Variants in CSNK1G1 observed in about 807,000 individuals in gnomAD.
CSNK1G1 encodes casein kinase 1 gamma 1, also known as casein kinase I isoform gamma-1.
In CSNK1G1, 22 loss-of-function variants were observed where a neutral mutation model predicts 59.6. That is an observed-to-expected ratio of 0.37 (90% confidence interval 0.26 to 0.53). The LOEUF is 0.53. CSNK1G1 is among the 20% of genes least tolerant of loss of function. The pLI, the probability that CSNK1G1 is intolerant of heterozygous loss-of-function variation, is 0.89. For missense variants in CSNK1G1, 384 were observed against 519.5 expected, an observed-to-expected ratio of 0.74 and a Z score of 2.54; for synonymous variants, 179 against 177.1, an observed-to-expected ratio of 1.01 and a Z score of -0.08.
Position 64,167,300 on chromosome 15 carries a change from C to G in CSNK1G1, c.*4631G>C, listed in dbSNP as rs758150021. 1 of 152,124 alleles carries G rather than the reference C, an allele frequency of 6.6e-6. No individual in the cohort carries two copies. Among genetic ancestry groups the G allele is most frequent in the Admixed American group, 6.5e-5 (1 of 15,272 alleles). The allele number at this position is 152,124 out of a possible 1,614,324, so 9.4% of individuals were successfully genotyped here. A position where few individuals can be genotyped will look rare whatever the true frequency, so the allele number is the denominator to read the frequency against. ...TCTTTTTCTTATTCAGAAACAAAAT[C>G]ACCCCCCATACACCAAAAAACAAAC... On this transcript the variant is annotated 3_prime_UTR_variant, in exon 12 of 12. Coordinates refer to ENST00000303052, the MANE Select transcript of CSNK1G1 (RefSeq NM_022048.5).
intron 4 of CSNK1G1, among the ~76,000 whole-genome samples, chr15:64,244,366 TAA>T (rs142844348): frequency 7.2e-4 from 80 of 110,918 alleles, no homozygotes; most frequent in Middle Eastern, 4.7e-3. Context: ...ACTGAAAAAT[TAA>T]AAAAAAAAAA....
intron 1 of CSNK1G1, among the ~76,000 whole-genome samples, chr15:64,323,931 G>A (rs1896701616): frequency 6.6e-6 from 1 of 152,008 alleles, no homozygotes; most frequent in African/African-American, 2.4e-5. Flanking sequence ...AAACCTTATT[G>A]GGCCTTTATG....
chr15:64,228,421 G>A (rs1329197177), intron 4 of CSNK1G1, among the ~76,000 whole-genome samples: 1 of 152,192 alleles, frequency 6.6e-6, no homozygotes, highest in Non-Finnish European at 1.5e-5. Flanking sequence ...GCCGAGGCAG[G>A]TGGATCACGA....
Position 64,346,789 on chromosome 15 carries a change from C to G in CSNK1G1, c.-225+9199G>C, listed in dbSNP as rs188133436. ...GAGTTTTCAGATATAACACTAAAAG[C>G]ATTATCAATGAAAGAGAAGAGGTTA... On this transcript the variant is annotated intron_variant, in intron 1 of 11. Coordinates refer to ENST00000303052, the MANE Select transcript of CSNK1G1 (RefSeq NM_022048.5). Among the ~76,000 whole-genome samples the G allele has an allele frequency of 2.6e-5, 4 of 151,930 alleles. No homozygotes were observed. The South Asian group carries it at 8.3e-4, about 32-fold the overall frequency.
At chr15:64,305,038 A>G (rs1427799153) in intron 1 of CSNK1G1, among the ~76,000 whole-genome samples, 1 of 152,192 alleles carries the variant, frequency 6.6e-6, no homozygotes, top group Admixed American at 6.5e-5. Flanking sequence ...GGCAAAACCA[A>G]AAATCTTTCT....
At chr15:64,329,934 A>G (rs1055175409) in intron 1 of CSNK1G1, among the ~76,000 whole-genome samples, 2 of 150,000 alleles carry the variant, frequency 1.3e-5, no homozygotes, top group Non-Finnish European at 3.0e-5. Context: ...GAAGAAATGG[A>G]TACATTCCTC....
At chr15:64,251,137 A>G (rs931309013) in intron 4 of CSNK1G1, among the ~76,000 whole-genome samples, 2 of 152,372 alleles carry the variant, frequency 1.3e-5, no homozygotes, top group African/African-American at 4.8e-5. Context: ...TGTCTTCAAA[A>G]CAGATAAACC....
intron 2 of CSNK1G1, among the ~76,000 whole-genome samples, chr15:64,296,974 C>T (rs1400791943): frequency 4.4e-5 from 6 of 135,622 alleles, no homozygotes; most frequent in South Asian, 2.3e-4. Context: ...TGTTTGGAAC[C>T]GATAGGTCTA....
rs1052152772 is a variant in CSNK1G1, at chr15:64,188,901, G to A, written c.1108-8447C>T. ...TCAGCACTTTGGGAGGCCAAGGTGGGCGGATCACGAGGTCTGGAGTTCGAG... is the reference window on the plus strand; with the variant it reads ...TCAGCACTTTGGGAGGCCAAGGTGGACGGATCACGAGGTCTGGAGTTCGAG... On this transcript the variant is annotated intron_variant, in intron 10 of 11. Transcript: ENST00000303052. The surrounding 1 kb of genome is among the most constrained non-coding windows in gnomAD (Gnocchi z 4.2). Among the ~76,000 whole-genome samples the A allele has an allele frequency of 2.6e-5, 4 of 152,190 alleles. No individual in the cohort carries two copies. The highest frequency in any genetic ancestry group is 7.2e-5 in the African/African-American group (3 of 41,450).
At chr15:64,339,564 C>T (rs182814592) in intron 1 of CSNK1G1, among the ~76,000 whole-genome samples, 6 of 152,258 alleles carry the variant, frequency 3.9e-5, no homozygotes, top group African/African-American at 1.2e-4. Flanking sequence ...CCACCCGCCT[C>T]GGCCTCCCAA....
intron 4 of CSNK1G1, among the ~76,000 whole-genome samples, chr15:64,244,616 C>T (rs1350591545): frequency 1.3e-5 from 2 of 152,050 alleles, no homozygotes; most frequent in Non-Finnish European, 2.9e-5. Context: ...GGCATAATGG[C>T]TCACACCTGT....
At chr15:64,258,497 C>A (rs1400162109) in intron 3 of CSNK1G1, among the ~76,000 whole-genome samples, 5 of 152,218 alleles carry the variant, frequency 3.3e-5, no homozygotes, top group Non-Finnish European at 5.9e-5. Flanking sequence ...AACAAAGCTA[C>A]CTGTAAATCC....
At chr15:64,250,343 A>T (rs1892007333) in intron 4 of CSNK1G1, among the ~76,000 whole-genome samples, 1 of 152,232 alleles carries the variant, frequency 6.6e-6, no homozygotes, top group Non-Finnish European at 1.5e-5. Context: ...GATTATTGCT[A>T]TAGTCAGGGT....
chr15:64,342,332 A>G (rs917984126), intron 1 of CSNK1G1, among the ~76,000 whole-genome samples: 7 of 152,184 alleles, frequency 4.6e-5, no homozygotes, highest in African/African-American at 1.7e-4. Context: ...TGAGAATAAA[A>G]TGCATTTAAC....
chr15:64,294,024 G>C (rs1894879631), intron 2 of CSNK1G1, among the ~76,000 whole-genome samples: 1 of 152,110 alleles, frequency 6.6e-6, no homozygotes, highest in Admixed American at 6.6e-5. Context: ...TAAAATTGAT[G>C]AGATATATTT....
chr15:64,270,921 G>A (rs1339740540), intron 2 of CSNK1G1, among the ~76,000 whole-genome samples: 3 of 152,080 alleles, frequency 2.0e-5, no homozygotes. Flanking sequence ...GTAACTGCAT[G>A]GTTTTGAGTG....
chr15:64,291,116 G>C (rs1362721417), intron 2 of CSNK1G1, among the ~76,000 whole-genome samples: 4 of 152,142 alleles, frequency 2.6e-5, no homozygotes, highest in African/African-American at 9.7e-5. Flanking sequence ...AAATTTATAA[G>C]AAAACTTTAA....
chr15:64,209,909 C>CTG (rs1567374937), intron 6 of CSNK1G1, among the ~76,000 whole-genome samples: 1 of 152,088 alleles, frequency 6.6e-6, no homozygotes, highest in Non-Finnish European at 1.5e-5. Context: ...AACAGTTGAG[C>CTG]ACTAGAGGGC....
chr15:64,294,176 G>A (rs1024353738), intron 2 of CSNK1G1, among the ~76,000 whole-genome samples: 6 of 152,250 alleles, frequency 3.9e-5, no homozygotes, highest in African/African-American at 1.4e-4. Context: ...AGGTTCAACT[G>A]GTTCTCCTGT....
Sources: allele counts gnomAD v4.1 joint callset (sites outside exome capture counted in the v4.1 genomes callset), GRCh38; gene constraint gnomAD v4.1.1; non-coding constraint Gnocchi (gnomAD v3.1); transcripts MANE v1.5; gene names NCBI Gene and HGNC (gene_info 2026-07-23, HGNC 2026-07-21).